Variants in DRC8 observed in about 807,000 individuals in gnomAD.
DRC8 encodes dynein regulatory complex subunit 8, also known as dynein regulatory complex protein 8.
chr1:245,062,881 T>C, the DRC8 span, among the ~76,000 whole-genome samples: 1 of 152,220 alleles, frequency 6.6e-6, no homozygotes, highest in Non-Finnish European at 1.5e-5. Flanking sequence ...TTAACTTCTG[T>C]GCTCAAACAA....
At chr1:244,999,842 T>C in the DRC8 span, among the ~76,000 whole-genome samples, 1 of 152,194 alleles carries the variant, frequency 6.6e-6, no homozygotes, top group African/African-American at 2.4e-5. Flanking sequence ...GGCGGAGTCT[T>C]GCTGTGTCAC....
the DRC8 span, chr1:245,087,587 A>G: frequency 5.3e-6 from 6 of 1,133,394 alleles, no homozygotes; most frequent in Non-Finnish European, 6.5e-6. Flanking sequence ...TATTCTTAAA[A>G]CATTTTAACA....
At chr1:244,982,498 C>T in the DRC8 span, among the ~76,000 whole-genome samples, 4 of 150,836 alleles carry the variant, frequency 2.7e-5, no homozygotes, top group Non-Finnish European at 1.5e-5. Flanking sequence ...AACCCCATCT[C>T]TACAAAAAGA....
the DRC8 span, chr1:245,086,981 T>C: frequency 1.8e-6 from 1 of 553,516 alleles, no homozygotes. Context: ...GTCTTCCTAC[T>C]GTTTTGCCTG....
chr1:244,970,209 T>C, the DRC8 span: 1 of 749,000 alleles, frequency 1.3e-6, no homozygotes, highest in Admixed American at 2.1e-5. Flanking sequence ...CCTCTGGTCT[T>C]CCCCCAGCGC....
At chr1:245,090,653 G>A in the DRC8 span, among the ~76,000 whole-genome samples, 26 of 151,922 alleles carry the variant, frequency 1.7e-4, no homozygotes, top group African/African-American at 6.0e-4. Context: ...CGTGTCAGAG[G>A]TTTGCAAGAA....
the DRC8 span, among the ~76,000 whole-genome samples, chr1:245,066,901 C>T: frequency 2.0e-5 from 3 of 151,650 alleles, no homozygotes; most frequent in Admixed American, 2.0e-4. Flanking sequence ...AGTGAGACTC[C>T]ATCTCAAAAA....
the DRC8 span, among the ~76,000 whole-genome samples, chr1:245,116,622 T>C: frequency 6.6e-6 from 1 of 152,218 alleles, no homozygotes; most frequent in Non-Finnish European, 1.5e-5. Flanking sequence ...TTGTTTGTAT[T>C]TTATACCATA....
the DRC8 span, among the ~76,000 whole-genome samples, chr1:245,073,139 T>G: frequency 3.9e-5 from 6 of 152,148 alleles, no homozygotes; most frequent in East Asian, 1.2e-3. Flanking sequence ...TAATTTTTTT[T>G]GTTTGTTTGT....
the DRC8 span, among the ~76,000 whole-genome samples, chr1:245,013,757 G>A: frequency 2.6e-5 from 4 of 151,974 alleles, no homozygotes; most frequent in Admixed American, 6.6e-5. Flanking sequence ...TGGGCCGGGC[G>A]CAGAGGCTCA....
At chr1:245,015,918 C>G in the DRC8 span, among the ~76,000 whole-genome samples, 1 of 147,288 alleles carries the variant, frequency 6.8e-6, no homozygotes, top group Non-Finnish European at 1.5e-5. Context: ...AGCGGCTTCT[C>G]ATCTCATTCA....
At chr1:245,105,081 C>G in the DRC8 span, among the ~76,000 whole-genome samples, 1 of 152,166 alleles carries the variant, frequency 6.6e-6, no homozygotes, top group South Asian at 2.1e-4. Context: ...TTCCCGTAGA[C>G]CAATTTTTAT....
chr1:245,025,487 C>T, the DRC8 span, among the ~76,000 whole-genome samples: 1 of 152,008 alleles, frequency 6.6e-6, no homozygotes, highest in African/African-American at 2.4e-5. Flanking sequence ...CTTTTTTTAA[C>T]ACTCCATTCT....
chr1:245,019,803 A>AAACTAAG, the DRC8 span, among the ~76,000 whole-genome samples: 3 of 152,136 alleles, frequency 2.0e-5, no homozygotes, highest in Non-Finnish European at 2.9e-5. Context: ...TAAAAACTAA[A>AAACTAAG]AAATAAAAAT....
the DRC8 span, among the ~76,000 whole-genome samples, chr1:245,067,621 T>C: frequency 1.3e-5 from 2 of 152,120 alleles, no homozygotes; most frequent in East Asian, 3.9e-4. Context: ...TAAGTATCCT[T>C]GGATTTTTTT....
At chr1:245,103,978 C>T in the DRC8 span, among the ~76,000 whole-genome samples, 3 of 152,072 alleles carry the variant, frequency 2.0e-5, no homozygotes, top group Admixed American at 6.6e-5. Flanking sequence ...AAGTTGCAGA[C>T]GGAATACGCC....
the DRC8 span, among the ~76,000 whole-genome samples, chr1:244,978,832 T>A: frequency 6.6e-6 from 1 of 152,210 alleles, no homozygotes; most frequent in African/African-American, 2.4e-5. Flanking sequence ...ATTGGGAGTT[T>A]AAAAACCTGG....
the DRC8 span, among the ~76,000 whole-genome samples, chr1:245,069,031 T>A: frequency 1.3e-5 from 2 of 152,158 alleles, no homozygotes; most frequent in African/African-American, 2.4e-5. Flanking sequence ...AAGAAAGAAA[T>A]CCTGTTCTAC....
At chr1:245,056,296 C>T in the DRC8 span, among the ~76,000 whole-genome samples, 1 of 152,082 alleles carries the variant, frequency 6.6e-6, no homozygotes, top group South Asian at 2.1e-4. Flanking sequence ...CTTACATTTG[C>T]TTAATACTTT....
Sources: gnomAD v4.1 joint callset for allele counts (sites outside exome capture counted in the v4.1 genomes callset) on GRCh38, gnomAD v4.1.1 for gene constraint, MANE v1.5 for transcripts, NCBI Gene and HGNC (gene_info 2026-07-23, HGNC 2026-07-21) for gene names.